The following DLG2 variants were observed in gnomAD, a reference collection of about 807,000 sequenced individuals.
DLG2 encodes the protein disks large homolog 2.
A neutral mutation model predicts 132.5 loss-of-function variants in DLG2; 45 were observed. That is an observed-to-expected ratio of 0.34 (90% CI 0.27 to 0.44). DLG2 has a LOEUF of 0.44. Ranked by LOEUF, DLG2 falls within the 20% of genes least tolerant of loss-of-function variation. The probability of loss-of-function intolerance (pLI) is 1.00; values close to 1 mark genes in which losing one functional copy is unlikely to be tolerated. For synonymous variants in DLG2, 424 were observed against 419.6 expected, an observed-to-expected ratio of 1.01 and a Z score of -0.13; for missense variants, 1,045 against 1,196.9, an observed-to-expected ratio of 0.87 and a Z score of 1.87.
At chr11:83,773,180 G>A (rs1211127767) in intron 18 of DLG2, among the ~76,000 whole-genome samples, 1 of 152,202 alleles carries the variant, frequency 6.6e-6, no homozygotes, top group Non-Finnish European at 1.5e-5. Context: ...GCATCTGGGT[G>A]CAAGTTTGGC....
At chr11:84,139,848 G>A (rs1277541601) in intron 9 of DLG2, among the ~76,000 whole-genome samples, 1 of 152,052 alleles carries the variant, frequency 6.6e-6, no homozygotes, top group Non-Finnish European at 1.5e-5. Context: ...AAATTTAGAG[G>A]GCTAAAGAGT....
intron 3 of DLG2, among the ~76,000 whole-genome samples, chr11:85,514,798 A>T (rs924061148): frequency 3.3e-5 from 5 of 151,936 alleles, no homozygotes; most frequent in African/African-American, 1.2e-4. Context: ...AGTTTCAGGA[A>T]GGAGTCACTC....
At chr11:84,602,172 T>G (rs910524484) in intron 6 of DLG2, among the ~76,000 whole-genome samples, 3 of 151,968 alleles carry the variant, frequency 2.0e-5, no homozygotes, top group African/African-American at 4.8e-5. Flanking sequence ...TATATTGTGA[T>G]CAAATCTTAA....
rs184411321 is a variant in DLG2 at position 84,382,579 on chromosome 11, T to C, written c.520-131288A>G. Among the ~76,000 whole-genome samples, 546 of 152,310 alleles carry C rather than the reference T, an allele frequency of 3.6e-3. 2 individuals carry two copies. Among genetic ancestry groups the C allele is most frequent in the Non-Finnish European group, 6.0e-3 (405 of 68,020 alleles). On this transcript the variant is annotated intron_variant, in intron 7 of 27. Coordinates refer to ENST00000376104, the MANE Select transcript of DLG2 (RefSeq NM_001142699.3). ...TGATCAGTTATCCATTGCAAGCCTATGCCAGGCTGTAGATGAGAGTATTTG... is the reference window on the plus strand; with the variant it reads ...TGATCAGTTATCCATTGCAAGCCTACGCCAGGCTGTAGATGAGAGTATTTG...
chr11:85,377,128 T>C (rs1318835013), intron 3 of DLG2, among the ~76,000 whole-genome samples: 1 of 152,202 alleles, frequency 6.6e-6, no homozygotes, highest in African/African-American at 2.4e-5. Flanking sequence ...TATAGAATCC[T>C]GATTCTTAAC....
chr11:83,530,691 C>T (rs2095717785), intron 21 of DLG2, among the ~76,000 whole-genome samples: 1 of 151,868 alleles, frequency 6.6e-6, no homozygotes, highest in Non-Finnish European at 1.5e-5. Context: ...AGGAACAAGA[C>T]AAAAATGTCT....
At chr11:83,574,571 G>A (rs1307715812) in intron 19 of DLG2, among the ~76,000 whole-genome samples, 2 of 152,048 alleles carry the variant, frequency 1.3e-5, no homozygotes, top group African/African-American at 4.8e-5. Context: ...TCTATACATT[G>A]TCATTCTGAC....
At chr11:85,248,323 A>G (rs765695186) in intron 4 of DLG2, among the ~76,000 whole-genome samples, 48 of 152,116 alleles carry the variant, frequency 3.2e-4, no homozygotes, top group Admixed American at 9.2e-4. Context: ...TCACCCTTGT[A>G]AAAAGCATTG....
chr11:84,079,016 T>C (rs945184824), intron 10 of DLG2, among the ~76,000 whole-genome samples: 2 of 152,172 alleles, frequency 1.3e-5, no homozygotes, highest in Non-Finnish European at 2.9e-5. Context: ...ATAATTCTAT[T>C]AGATGGTGAA....
chr11:83,723,169 T>C (rs2089135671), intron 18 of DLG2, among the ~76,000 whole-genome samples: 1 of 151,856 alleles, frequency 6.6e-6, no homozygotes, highest in Non-Finnish European at 1.5e-5. Context: ...TCATTTGAGG[T>C]TAGAAGTTCG....
chr11:83,884,211 G>A (rs1197619526), intron 15 of DLG2, among the ~76,000 whole-genome samples: 1 of 152,194 alleles, frequency 6.6e-6, no homozygotes, highest in Non-Finnish European at 1.5e-5. Context: ...GTGACAGATG[G>A]CACCTGGAAA....
chr11:85,524,481 A>G (rs1366710384), intron 3 of DLG2, among the ~76,000 whole-genome samples: 1 of 150,836 alleles, frequency 6.6e-6, no homozygotes, highest in Admixed American at 6.7e-5. Flanking sequence ...GCTCAAAAAG[A>G]GAACTTCTCT....
At chr11:85,171,567 G>A (rs1033160508) in intron 4 of DLG2, among the ~76,000 whole-genome samples, 5 of 152,140 alleles carry the variant, frequency 3.3e-5, no homozygotes, top group Admixed American at 2.6e-4. Context: ...ATCCATCCAC[G>A]CATTACGCTA....
intron 5 of DLG2, among the ~76,000 whole-genome samples, chr11:85,136,007 A>G (rs191482883): frequency 1.8e-4 from 28 of 152,316 alleles, no homozygotes; most frequent in Admixed American, 9.8e-4. Flanking sequence ...GTTAACTAGA[A>G]GTTAGGAGAA....
intron 7 of DLG2, among the ~76,000 whole-genome samples, chr11:84,453,838 T>C (rs2099058123): frequency 6.6e-6 from 1 of 151,644 alleles, no homozygotes; most frequent in Non-Finnish European, 1.5e-5. Flanking sequence ...ATGCCTATCA[T>C]ATGGTCTCTG....
chr11:85,196,310 T>C (rs554649497), intron 4 of DLG2, among the ~76,000 whole-genome samples: 1 of 152,348 alleles, frequency 6.6e-6, no homozygotes, highest in East Asian at 1.9e-4. Context: ...TTTACAAAAG[T>C]AAAATTTTAA....
intron 15 of DLG2, among the ~76,000 whole-genome samples, chr11:83,877,454 A>C (rs1054556623): frequency 6.6e-6 from 1 of 152,174 alleles, no homozygotes; most frequent in African/African-American, 2.4e-5. Flanking sequence ...TCTCATCATT[A>C]GCTCAGCCCA....
intron 7 of DLG2, among the ~76,000 whole-genome samples, chr11:84,513,900 G>A (rs557519256): frequency 1.3e-4 from 19 of 151,896 alleles, no homozygotes; most frequent in Middle Eastern, 6.8e-3. Context: ...AAAGTGAAGA[G>A]ATAAACCACA....
chr11:85,107,352 C>T (rs1337525074), intron 6 of DLG2, among the ~76,000 whole-genome samples: 2 of 151,962 alleles, frequency 1.3e-5, no homozygotes, highest in African/African-American at 4.8e-5. Flanking sequence ...ATAGCCATTT[C>T]TGAGTATACC....
Sources: allele counts gnomAD v4.1 joint callset (sites outside exome capture counted in the v4.1 genomes callset), GRCh38; gene constraint gnomAD v4.1.1; transcripts MANE v1.5; gene names NCBI Gene and HGNC (gene_info 2026-07-23, HGNC 2026-07-21).